NAV1: variants seen among roughly 807,000 people sequenced by gnomAD.
NAV1 encodes pore membrane and/or filament interacting like protein 3.
A neutral mutation model predicts 175.2 loss-of-function variants in NAV1; 18 were observed. That is an observed-to-expected ratio of 0.10 (90% confidence interval 0.07 to 0.15). NAV1 has a LOEUF of 0.15. Ranked by LOEUF, NAV1 falls within the 10% of genes least tolerant of loss-of-function variation. NAV1 has a pLI of 1.00. For synonymous variants in NAV1, 897 were observed against 978.7 expected (o/e 0.92, Z 1.56); for missense variants, 1,731 against 2,436.6 (o/e 0.71, Z 6.10).
chr1:201,742,932 TA>T (rs1673523440), intron 3 of NAV1, among the ~76,000 whole-genome samples: 1 of 152,184 alleles, frequency 6.6e-6, no homozygotes, highest in Admixed American at 6.5e-5. Context: ...GGCATCTTAA[TA>T]GGGGGGACAG....
At chr1:201,642,229 C>T (rs1305606563) in intron 2 of NAV1, among the ~76,000 whole-genome samples, 1 of 144,722 alleles carries the variant, frequency 6.9e-6, no homozygotes, top group Non-Finnish European at 1.5e-5. Context: ...TTCTTCCTTT[C>T]TTTCTCGGAG....
intron 1 of NAV1, among the ~76,000 whole-genome samples, chr1:201,695,662 C>G (rs1027605819): frequency 6.6e-6 from 1 of 152,242 alleles, no homozygotes; most frequent in Non-Finnish European, 1.5e-5. Context: ...CCTGGGCCAC[C>G]GTGGGCTGGA....
intron 1 of NAV1, among the ~76,000 whole-genome samples, chr1:201,697,755 C>A (rs182143428): frequency 1.3e-5 from 2 of 152,340 alleles, no homozygotes; most frequent in Non-Finnish European, 2.9e-5. Flanking sequence ...TGCTTTGTCT[C>A]CCATTCCATC....
Position 201,640,261 on chromosome 1 carries a change from G to A in NAV1, c.5-8373G>A, listed in dbSNP as rs1668713530. Among the ~76,000 whole-genome samples, 3 of 152,210 alleles carry A rather than the reference G, an allele frequency of 2.0e-5. No individual in the cohort carries two copies. In the South Asian group the frequency reaches 6.2e-4, roughly 31 times the overall value. ...AGAGAGGGTGAGCCGGGGACCTGCA[G>A]TGTCCACAGAAATATCTCAACTACC... On this transcript the variant is annotated intron_variant, in intron 2 of 29. Coordinates refer to the NAV1 transcript ENST00000367302.
chr1:201,814,821 C>G (rs1678921178), intron 28 of NAV1, among the ~76,000 whole-genome samples: 1 of 151,960 alleles, frequency 6.6e-6, no homozygotes, highest in South Asian at 2.1e-4. Flanking sequence ...AGGCGGATCA[C>G]AAGGTCAGGA....
chr1:201,656,641 G>T (rs553667495), intron 1 of NAV1, among the ~76,000 whole-genome samples: 2 of 152,304 alleles, frequency 1.3e-5, no homozygotes, highest in Admixed American at 6.5e-5. Context: ...TGGGTGTCAG[G>T]GTGTGAAGAC....
chr1:201,790,420 AGT>A (rs1677040008), intron 11 of NAV1, 132 bp from the exon 16 acceptor site: 6 of 951,620 alleles, frequency 6.3e-6, no homozygotes, highest in Non-Finnish European at 9.9e-6. Flanking sequence ...AGGAAACAAG[AGT>A]TTCAGCCTCT....
chr1:201,666,364 T>A (rs1420279828), intron 1 of NAV1, among the ~76,000 whole-genome samples: 2 of 148,966 alleles, frequency 1.3e-5, no homozygotes, highest in Non-Finnish European at 3.0e-5. Context: ...AAAAAAAAAA[T>A]AAATCATATA....
At chr1:201,649,999 G>T (rs1669127080) in intron 1 of NAV1, among the ~76,000 whole-genome samples, 1 of 152,208 alleles carries the variant, frequency 6.6e-6, no homozygotes, top group East Asian at 1.9e-4. Context: ...GGCCGGGGGC[G>T]GGCGGGCTGC....
rs1678350802 is a variant in NAV1, at chr1:201,807,252, G to A, written c.3649-701G>A. ...AAATAGCCCTTCTTCTAGGACATTGGAAATCATAGAAAATGCTGTCTGGCT... is the reference window on the plus strand; with the variant it reads ...AAATAGCCCTTCTTCTAGGACATTGAAAATCATAGAAAATGCTGTCTGGCT... On this transcript the variant is annotated intron_variant, in intron 17 of 29. Coordinates refer to ENST00000367296, the Ensembl canonical transcript of NAV1. This position sits in a 1 kb window ranked among gnomAD's most constrained non-coding sequence, Gnocchi z 5.4. Among the ~76,000 whole-genome samples, 1 of 152,192 alleles carries A rather than the reference G, an allele frequency of 6.6e-6. No homozygotes were observed. The highest frequency in any genetic ancestry group is 1.9e-4 in the East Asian group (1 of 5,198).
At chr1:201,709,499 G>A (rs561188939) in intron 1 of NAV1, among the ~76,000 whole-genome samples, 1 of 152,286 alleles carries the variant, frequency 6.6e-6, no homozygotes, top group South Asian at 2.1e-4. Flanking sequence ...TTGTACACAG[G>A]TAAGTCCTCT....
chr1:201,801,111 A>G (rs1677840151), intron 15 of NAV1, among the ~76,000 whole-genome samples: 1 of 152,150 alleles, frequency 6.6e-6, no homozygotes, highest in Non-Finnish European at 1.5e-5. Flanking sequence ...TACAGGCATG[A>G]GCCACCACAC....
chr1:201,624,299 T>A (rs1668261073), intron 1 of NAV1, among the ~76,000 whole-genome samples: 1 of 151,812 alleles, frequency 6.6e-6, no homozygotes, highest in South Asian at 2.1e-4. Context: ...ACACTGCAAG[T>A]TGATTGCATA....
chr1:201,789,868 T>C, intron 11 of NAV1, 76 bp downstream of exon 15: 1 of 1,435,686 alleles, frequency 7.0e-7, no homozygotes, highest in Non-Finnish European at 9.8e-7. Flanking sequence ...CTCCTTGGAG[T>C]TGGGTAACTG....
At chr1:201,615,498 C>A (rs561419928) in intron 2 of NAV1, among the ~76,000 whole-genome samples, 3 of 152,066 alleles carry the variant, frequency 2.0e-5, no homozygotes, top group Admixed American at 2.0e-4. Context: ...CCCCTGACCT[C>A]GTGATCCACC....
intron 1 of NAV1, among the ~76,000 whole-genome samples, chr1:201,710,970 A>G (rs1671878995): frequency 6.6e-6 from 1 of 152,078 alleles, no homozygotes; most frequent in East Asian, 1.9e-4. Context: ...AGAAACCCAC[A>G]CCTTGGCACC....
In NAV1 at chr1:201,823,363, C is replaced by CGTGT. The variant is rs4025040; in HGVS notation, c.*3458_*3461dup. 1.0e-2 allele frequency: 1,148 copies of CGTGT among 115,114 alleles called. 14 individuals carry two copies. Among genetic ancestry groups the CGTGT allele is most frequent in the East Asian group, 0.01 (46 of 4,590 alleles). 7.1% of individuals were successfully genotyped at this position (115,114 alleles called of 1,614,324 possible). On this transcript the variant is annotated 3_prime_UTR_variant, in exon 30 of 30. Coordinates refer to ENST00000367296, the Ensembl canonical transcript of NAV1. ...AGGCTAATGTGGGACCTGATGTCTG[C>CGTGT]GTGTGTGTGTGTGTGTGTGTGTGTG...
At chr1:201,759,082 T>A (rs1674682095) in intron 3 of NAV1, among the ~76,000 whole-genome samples, 1 of 152,206 alleles carries the variant, frequency 6.6e-6, no homozygotes, top group African/African-American at 2.4e-5. Flanking sequence ...GCTGAACATA[T>A]GGTAACTATT....
chr1:201,707,952 A>C (rs1671737542), intron 1 of NAV1, among the ~76,000 whole-genome samples: 1 of 152,242 alleles, frequency 6.6e-6, no homozygotes, highest in African/African-American at 2.4e-5. Context: ...GGAGTCAAAA[A>C]GACTTGTGAT....
Sources: gnomAD v4.1 joint callset for allele counts (sites outside exome capture counted in the v4.1 genomes callset) on GRCh38, gnomAD v4.1.1 for gene constraint, Gnocchi (gnomAD v3.1) non-coding constraint, MANE v1.5 for transcripts, NCBI Gene and HGNC (gene_info 2026-07-23, HGNC 2026-07-21) for gene names.